Variants in ATXN7L1 observed in about 807,000 individuals in gnomAD.
ATXN7L1 encodes ataxin-7-like protein 1.
ATXN7L1 carries 15 observed loss-of-function variants against 70.8 expected under a neutral mutation model. That is an observed-to-expected ratio of 0.21 (90% CI 0.14 to 0.33). ATXN7L1 has a LOEUF of 0.33. Among genes scored for constraint, ATXN7L1 ranks in the 10% least tolerant of loss-of-function variants. The pLI is 1.00. For synonymous variants in ATXN7L1, 440 were observed against 445.1 expected, an observed-to-expected ratio of 0.99 and a Z score of 0.14; for missense variants, 975 against 1,097.1, an observed-to-expected ratio of 0.89 and a Z score of 1.57.
At chr7:105,751,258 G>C (rs770186729) in intron 3 of ATXN7L1, among the ~76,000 whole-genome samples, 1 of 152,086 alleles carries the variant, frequency 6.6e-6, no homozygotes, top group African/African-American at 2.4e-5. Context: ...TCTCAATGGA[G>C]TTATGCATAT....
intron 2 of ATXN7L1, among the ~76,000 whole-genome samples, chr7:105,863,371 G>A (rs1485638439): frequency 1.3e-5 from 2 of 152,214 alleles, no homozygotes; most frequent in African/African-American, 4.8e-5. Context: ...GGCTTACACA[G>A]TCAAGGGGGA....
chr7:105,835,854 A>G (rs1277898784), intron 2 of ATXN7L1, among the ~76,000 whole-genome samples: 3 of 152,118 alleles, frequency 2.0e-5, no homozygotes, highest in Non-Finnish European at 4.4e-5. Context: ...TAAAAAAGAA[A>G]CTTTCTTGGG....
At chr7:105,625,757 A>G (rs977528175) in intron 7 of ATXN7L1, among the ~76,000 whole-genome samples, 4 of 152,242 alleles carry the variant, frequency 2.6e-5, no homozygotes, top group African/African-American at 9.6e-5. Context: ...CCTAGGCAGT[A>G]AAAAACAAAA....
intron 2 of ATXN7L1, among the ~76,000 whole-genome samples, chr7:105,800,166 T>C (rs1346234636): frequency 6.6e-6 from 1 of 152,100 alleles, no homozygotes; most frequent in African/African-American, 2.4e-5. Context: ...AAAATCACAA[T>C]GTCCTTAATC....
intron 3 of ATXN7L1, among the ~76,000 whole-genome samples, chr7:105,764,416 G>A (rs1563074489): frequency 6.6e-6 from 1 of 152,106 alleles, no homozygotes; most frequent in Non-Finnish European, 1.5e-5. Flanking sequence ...TGCTAGAAAT[G>A]CACATTCTGG....
chr7:105,809,491 A>G (rs915852759), intron 2 of ATXN7L1, among the ~76,000 whole-genome samples: 1 of 152,136 alleles, frequency 6.6e-6, no homozygotes, highest in Non-Finnish European at 1.5e-5. Context: ...TGCCTTAGAT[A>G]CCTCATATCA....
intron 3 of ATXN7L1, among the ~76,000 whole-genome samples, chr7:105,696,621 C>T (rs1010704980): frequency 7.2e-5 from 11 of 152,174 alleles, no homozygotes; most frequent in Non-Finnish European, 1.3e-4. Context: ...CATTAAAATG[C>T]GCTAATGGAG....
intron 2 of ATXN7L1, among the ~76,000 whole-genome samples, chr7:105,811,245 G>GGA (rs1215207147): frequency 1.3e-5 from 2 of 152,142 alleles, no homozygotes; most frequent in Non-Finnish European, 1.5e-5. Context: ...AGGTGGACAG[G>GGA]GAGAACACCA....
At position 105,697,141 on chromosome 7, in the gene ATXN7L1, G is replaced by A. The variant is rs184725816; in HGVS notation, c.356-31853C>T. Among the ~76,000 whole-genome samples the A allele has an allele frequency of 3.5e-4, 53 of 152,288 alleles. No individual in the cohort carries two copies. In the East Asian group the frequency reaches 0.01, roughly 29 times the overall value. On this transcript the variant is annotated intron_variant, in intron 3 of 11. Coordinates refer to ENST00000419735, the MANE Select transcript of ATXN7L1 (RefSeq NM_020725.2). ...AATTAAAATTGCTAATGAAGTTTCG[G>A]GCACTATTGTCATTGATAACATCTT...
At chr7:105,724,086 A>G (rs1178388200) in intron 3 of ATXN7L1, among the ~76,000 whole-genome samples, 1 of 152,162 alleles carries the variant, frequency 6.6e-6, no homozygotes, top group Non-Finnish European at 1.5e-5. Context: ...AAAGTACCAC[A>G]ATTTGGGGGG....
intron 4 of ATXN7L1, among the ~76,000 whole-genome samples, chr7:105,655,440 G>C (rs575575309): frequency 6.6e-6 from 1 of 152,200 alleles, no homozygotes; most frequent in Non-Finnish European, 1.5e-5. Context: ...ACTCTGGGGG[G>C]GTGTGTGGGG....
intron 2 of ATXN7L1, among the ~76,000 whole-genome samples, chr7:105,839,987 A>T (rs1012159752): frequency 1.3e-5 from 2 of 152,212 alleles, no homozygotes; most frequent in African/African-American, 4.8e-5. Flanking sequence ...ACCTCATTTG[A>T]ACTGGGCCTT....
chr7:105,655,686 G>A (rs943751545), intron 4 of ATXN7L1, among the ~76,000 whole-genome samples: 3 of 152,304 alleles, frequency 2.0e-5, no homozygotes, highest in Non-Finnish European at 4.4e-5. Flanking sequence ...GAGATAAGCC[G>A]CCCAGTTTCT....
chr7:105,780,406 T>A (rs1403768414), intron 3 of ATXN7L1, among the ~76,000 whole-genome samples: 1 of 151,958 alleles, frequency 6.6e-6, no homozygotes, highest in African/African-American at 2.4e-5. Flanking sequence ...TTCTACTGCA[T>A]CACCATCAAC....
At position 105,607,873 on chromosome 7, in the gene ATXN7L1, GC is replaced by G; in HGVS notation, c.2564del (p.Gly855AlafsTer3). ...GHSRQNTNRT[G>X]RIRTLP ...CTTGTTATGGAAGAGTCCTTATCCT[GC>G]CCGTTCTGTTTGTGTTCTTCTAGGA... On this transcript the variant is annotated frameshift_variant, in exon 12 of 12. Transcript: ENST00000419735. LOFTEE classifies it high-confidence loss of function. The G allele has an allele frequency of 6.4e-7, 1 of 1,551,912 alleles. No individual in the cohort carries two copies. Among genetic ancestry groups the G allele is most frequent in the Non-Finnish European group, 8.7e-7 (1 of 1,146,966 alleles).
chr7:105,759,625 A>C (rs548633894), intron 3 of ATXN7L1, among the ~76,000 whole-genome samples: 2 of 152,162 alleles, frequency 1.3e-5, no homozygotes, highest in Admixed American at 1.3e-4. Flanking sequence ...CCCTGTCTAC[A>C]CATCCAGCAC....
chr7:105,654,802 A>G (rs905466421), intron 4 of ATXN7L1, among the ~76,000 whole-genome samples: 2 of 150,470 alleles, frequency 1.3e-5, no homozygotes, highest in African/African-American at 4.9e-5. Flanking sequence ...GTGCAGTGGC[A>G]CAATCTCAGC....
At chr7:105,626,378 T>A (rs1177036045) in intron 7 of ATXN7L1, among the ~76,000 whole-genome samples, 1 of 152,118 alleles carries the variant, frequency 6.6e-6, no homozygotes, top group Non-Finnish European at 1.5e-5. Context: ...AGGGAGGGGG[T>A]ATTTAGTGGA....
intron 3 of ATXN7L1, among the ~76,000 whole-genome samples, chr7:105,738,192 G>A (rs76678332): frequency 1.3e-5 from 2 of 152,276 alleles, no homozygotes; most frequent in East Asian, 1.9e-4. Context: ...CAACTCTTTC[G>A]TGTGGCCTTG....
Sources: gnomAD v4.1 joint callset for allele counts (sites outside exome capture counted in the v4.1 genomes callset) on GRCh38, gnomAD v4.1.1 for gene constraint, MANE v1.5 for transcripts, NCBI Gene and HGNC (gene_info 2026-07-23, HGNC 2026-07-21) for gene names.